SH3GL2: variants seen among roughly 807,000 people sequenced by gnomAD.
The protein encoded by SH3GL2 is SH3 domain containing GRB2 like 2, endophilin A1.
A neutral mutation model predicts 46.0 loss-of-function variants in SH3GL2; 24 were observed. That is an observed-to-expected ratio of 0.52 (90% CI 0.38 to 0.73). The LOEUF is 0.73. Among genes scored for constraint, SH3GL2 ranks in the 30% least tolerant of loss-of-function variants. The pLI is 0.00. For missense variants in SH3GL2, 413 were observed against 424.2 expected, an observed-to-expected ratio of 0.97 and a Z score of 0.23; for synonymous variants, 196 against 147.1, an observed-to-expected ratio of 1.33 and a Z score of -2.40.
At chr9:17,619,515 T>C (rs865828243) in intron 1 of SH3GL2, among the ~76,000 whole-genome samples, 1 of 152,074 alleles carries the variant, frequency 6.6e-6, no homozygotes, top group South Asian at 2.1e-4. Flanking sequence ...CCGTCTCTAC[T>C]AAAAATACAA....
At chr9:17,775,959 G>A (rs970596736) in intron 3 of SH3GL2, among the ~76,000 whole-genome samples, 1 of 152,174 alleles carries the variant, frequency 6.6e-6, no homozygotes, top group African/African-American at 2.4e-5. Context: ...CACAGTGAAA[G>A]AAGGAAGCCA....
intron 2 of SH3GL2, among the ~76,000 whole-genome samples, chr9:17,756,273 A>C (rs1169939313): frequency 6.6e-6 from 1 of 152,092 alleles, no homozygotes; most frequent in Non-Finnish European, 1.5e-5. Context: ...TTACCTAAAA[A>C]ACATGCCTGT....
At chr9:17,732,256 T>G (rs1822206945) in intron 1 of SH3GL2, among the ~76,000 whole-genome samples, 1 of 152,128 alleles carries the variant, frequency 6.6e-6, no homozygotes, top group Admixed American at 6.6e-5. Flanking sequence ...GTAACTGCCT[T>G]TTGCCCTCAA....
intron 1 of SH3GL2, among the ~76,000 whole-genome samples, chr9:17,606,018 T>G (rs1299601110): frequency 6.6e-6 from 1 of 152,160 alleles, no homozygotes; most frequent in Non-Finnish European, 1.5e-5. Flanking sequence ...TAATGGCTTA[T>G]TTTTTTCAAG....
intron 1 of SH3GL2, among the ~76,000 whole-genome samples, chr9:17,651,770 C>T (rs112107685): frequency 6.6e-6 from 1 of 152,138 alleles, no homozygotes; most frequent in South Asian, 2.1e-4. Flanking sequence ...TCCAATATTT[C>T]CTCATCTTTA....
chr9:17,711,264 A>G (rs1378295403), intron 1 of SH3GL2, among the ~76,000 whole-genome samples: 1 of 151,924 alleles, frequency 6.6e-6, no homozygotes, highest in East Asian at 1.9e-4. Flanking sequence ...TGACATATTA[A>G]TCTTGTTTCC....
chr9:17,655,332 G>A (rs1536064), intron 1 of SH3GL2, among the ~76,000 whole-genome samples: 58,192 of 151,898 alleles, frequency 0.38, 12,468 homozygotes, highest in South Asian at 0.6. Context: ...CCCTCTTCCT[G>A]TGCCCAACTG....
chr9:17,592,475 A>G (rs1426806084), intron 1 of SH3GL2, among the ~76,000 whole-genome samples: 2 of 152,218 alleles, frequency 1.3e-5, no homozygotes, highest in Non-Finnish European at 2.9e-5. Context: ...TGGAAAAATC[A>G]CTATTAATTA....
chr9:17,787,570 C>A (rs1823997497), intron 5 of SH3GL2, 57 bp downstream of exon 5: 2 of 1,452,940 alleles, frequency 1.4e-6, no homozygotes, highest in South Asian at 1.2e-5. Flanking sequence ...GATGCAGATG[C>A]CTTTTTTCTT....
At chr9:17,675,369 G>T (rs1317578742) in intron 1 of SH3GL2, among the ~76,000 whole-genome samples, 1 of 152,152 alleles carries the variant, frequency 6.6e-6, no homozygotes, top group Non-Finnish European at 1.5e-5. Flanking sequence ...CTAATGCTCT[G>T]AACATCTTTC....
chr9:17,596,774 C>T (rs905265481), intron 1 of SH3GL2, among the ~76,000 whole-genome samples: 1 of 152,134 alleles, frequency 6.6e-6, no homozygotes, highest in Admixed American at 6.5e-5. Context: ...AAACAAAATA[C>T]ATAAAAATGG....
chr9:17,737,392 A>C (rs1049905881), intron 1 of SH3GL2, among the ~76,000 whole-genome samples: 1 of 152,034 alleles, frequency 6.6e-6, no homozygotes, highest in Admixed American at 6.6e-5. Flanking sequence ...AAATAAATAG[A>C]ATTTATCTGA....
In SH3GL2 at chr9:17,595,463, G is replaced by A. The variant is rs533606451; in HGVS notation, c.45+16176G>A. Among the ~76,000 whole-genome samples, 6 of 152,228 alleles carry A rather than the reference G, an allele frequency of 3.9e-5. No individual in the cohort carries two copies. The South Asian group carries it at 1.2e-3, about 32-fold the overall frequency. On this transcript the variant is annotated intron_variant, in intron 1 of 8. Transcript: ENST00000380607. ...GGGTTAGCAAGAGTATAAGAACATG[G>A]ATCCCCGTTTATGGTGGGAGTGTAA... is the stretch of plus-strand genomic sequence containing the variant.
chr9:17,707,572 A>G (rs1821503930), intron 1 of SH3GL2, among the ~76,000 whole-genome samples: 1 of 152,208 alleles, frequency 6.6e-6, no homozygotes, highest in South Asian at 2.1e-4. Context: ...GTGCTATGCA[A>G]CAGTCACTTT....
At chr9:17,603,463 G>A (rs1818707193) in intron 1 of SH3GL2, among the ~76,000 whole-genome samples, 2 of 152,180 alleles carry the variant, frequency 1.3e-5, no homozygotes, top group African/African-American at 4.8e-5. Context: ...TAGAACAGTG[G>A]TTGAGAGGGG....
intron 1 of SH3GL2, among the ~76,000 whole-genome samples, chr9:17,628,478 G>T (rs1819341714): frequency 6.6e-6 from 1 of 151,636 alleles, no homozygotes; most frequent in Non-Finnish European, 1.5e-5. Flanking sequence ...TTATCTATTT[G>T]TGTAAGTATG....
At chr9:17,643,362 T>A (rs1032429012) in intron 1 of SH3GL2, among the ~76,000 whole-genome samples, 2 of 152,028 alleles carry the variant, frequency 1.3e-5, no homozygotes, top group African/African-American at 2.4e-5. Context: ...CTCTTCCTAT[T>A]TGAATACCTT....
chr9:17,633,145 C>T (rs1354187647), intron 1 of SH3GL2, among the ~76,000 whole-genome samples: 1 of 152,290 alleles, frequency 6.6e-6, no homozygotes. Flanking sequence ...TCTTGTTTCT[C>T]AAGTGAGTGT....
intron 1 of SH3GL2, among the ~76,000 whole-genome samples, chr9:17,603,064 G>C (rs1251992671): frequency 2.0e-5 from 3 of 152,196 alleles, no homozygotes; most frequent in Non-Finnish European, 4.4e-5. Context: ...GACTGATTCT[G>C]AGGACATGCC....
Sources: allele counts gnomAD v4.1 joint callset (sites outside exome capture counted in the v4.1 genomes callset), GRCh38; gene constraint gnomAD v4.1.1; transcripts MANE v1.5; gene names NCBI Gene and HGNC (gene_info 2026-07-23, HGNC 2026-07-21).